The following ARHGAP20 variants were observed in gnomAD, a reference collection of about 807,000 sequenced individuals.
ARHGAP20 encodes Rho GTPase activating protein 20.
A neutral mutation model predicts 73.7 loss-of-function variants in ARHGAP20; 34 were observed. The ratio of observed to expected loss-of-function variants is 0.46; its 90% CI spans 0.35 to 0.61. ARHGAP20 has a LOEUF of 0.61. Ranked by LOEUF, ARHGAP20 falls within the 20% of genes least tolerant of loss-of-function variation. ARHGAP20 has a pLI of 0.00. For missense variants in ARHGAP20, 1,314 were observed against 1,420.9 expected (o/e 0.92, Z 1.21); for synonymous variants, 523 against 518.2 (o/e 1.01, Z -0.13).
chr11:110,584,978 T>TGA (rs376884749), intron 12 of ARHGAP20, among the ~76,000 whole-genome samples: 64 of 137,258 alleles, frequency 4.7e-4, no homozygotes, highest in Middle Eastern at 8.0e-3. Flanking sequence ...TATGAATATA[T>TGA]ATGTGAAAAT....
chr11:110,667,350 G>A (rs1027899906), intron 2 of ARHGAP20, among the ~76,000 whole-genome samples: 2 of 152,196 alleles, frequency 1.3e-5, no homozygotes, highest in Non-Finnish European at 2.9e-5. Context: ...AATCTACTCT[G>A]CTTGTGCTCT....
At chr11:110,630,893 C>A in intron 2 of ARHGAP20, 101 bp from the exon 3 acceptor site, 1 of 1,207,106 alleles carries the variant, frequency 8.3e-7, no homozygotes, top group Non-Finnish European at 1.2e-6. Context: ...GGTATAGCAT[C>A]CTAACTGGTC....
At chr11:110,598,102 A>C (rs185736290) in intron 9 of ARHGAP20, among the ~76,000 whole-genome samples, 5 of 152,224 alleles carry the variant, frequency 3.3e-5, no homozygotes, top group Admixed American at 1.3e-4. Flanking sequence ...TATAATAATA[A>C]CCATAACAAC....
At chr11:110,606,944 G>A (rs549548937) in intron 8 of ARHGAP20, among the ~76,000 whole-genome samples, 195 bp from the exon 9 acceptor site, 1 of 152,156 alleles carries the variant, frequency 6.6e-6, no homozygotes, top group South Asian at 2.1e-4. Context: ...TAGTTTTAAG[G>A]AGAGGAGGGA....
At chr11:110,683,242 A>T (rs1282172144) in intron 2 of ARHGAP20, among the ~76,000 whole-genome samples, 1 of 152,166 alleles carries the variant, frequency 6.6e-6, no homozygotes, top group African/African-American at 2.4e-5. Flanking sequence ...ATGAAGAAAT[A>T]CCATAACAAT....
chr11:110,607,395 T>C (rs1040661315), intron 8 of ARHGAP20, among the ~76,000 whole-genome samples: 1 of 152,150 alleles, frequency 6.6e-6, no homozygotes, highest in Non-Finnish European at 1.5e-5. Flanking sequence ...CAGAAACAGA[T>C]GCAAAAACGA....
intron 2 of ARHGAP20, among the ~76,000 whole-genome samples, chr11:110,679,976 C>T (rs1324160306): frequency 3.9e-5 from 6 of 152,162 alleles, no homozygotes; most frequent in African/African-American, 1.2e-4. Flanking sequence ...TAGACTCTTA[C>T]CCTCTTTCCA....
intron 9 of ARHGAP20, among the ~76,000 whole-genome samples, chr11:110,602,867 T>A (rs887111546): frequency 6.6e-6 from 1 of 152,216 alleles, no homozygotes; most frequent in African/African-American, 2.4e-5. Flanking sequence ...ATAGTCTGCA[T>A]AGAATAACTA....
At chr11:110,711,149 C>T (rs969572181) in intron 1 of ARHGAP20, among the ~76,000 whole-genome samples, 3 of 152,154 alleles carry the variant, frequency 2.0e-5, no homozygotes, top group African/African-American at 7.2e-5. Flanking sequence ...CCGCGGCCCA[C>T]GTGCACTTGC....
At chr11:110,687,312 G>T (rs1001425665) in intron 2 of ARHGAP20, among the ~76,000 whole-genome samples, 1 of 151,668 alleles carries the variant, frequency 6.6e-6, no homozygotes, top group Non-Finnish European at 1.5e-5. Flanking sequence ...CATACCAAAG[G>T]GTTTGGATTA....
In ARHGAP20 at chr11:110,619,372, GTAGAGTATATGCAGTGA is replaced by G. The variant is rs1326996121; in HGVS notation, c.504-3795_504-3779del. ...GAGTATATGTAGTGATAGCATATAT[GTAGAGTATATGCAGTGA>G]TAGAGTATATGCAGTGATAGAGTAT... On this transcript the variant is annotated intron_variant, in intron 4 of 14. Transcript: ENST00000683387. 4.0e-3 allele frequency among the ~76,000 whole-genome samples: 608 copies of G among 150,130 alleles called. 4 individuals are homozygous for G. The highest frequency in any genetic ancestry group is 0.011 in the African/African-American group (451 of 40,722).
chr11:110,624,285 T>C lies in ARHGAP20; in HGVS notation c.380A>G (p.Asn127Ser). The C allele has an allele frequency of 6.3e-7, 1 of 1,590,222 alleles. No homozygotes were observed. The highest frequency in any genetic ancestry group is 8.6e-7 in the Non-Finnish European group (1 of 1,168,760). Residue 127 changes from asparagine (N) to serine (S), a missense_variant, in exon 4 of 15, where the codon AAT (asparagine) becomes AGT (serine). Coordinates refer to ENST00000683387, the MANE Select transcript of ARHGAP20 (RefSeq NM_001384657.1). Reference sequence around the variant, plus strand: ...CCACATATCAGTTAATTTAATTTTATTTTTTATCTTAAAGTTATTGTTATA... The same window carrying C: ...CCACATATCAGTTAATTTAATTTTACTTTTTATCTTAAAGTTATTGTTATA... ...IKYNNNFKIK[N>S]KIKLTDMWTA...
chr11:110,635,951 A>G (rs948220877), intron 2 of ARHGAP20, among the ~76,000 whole-genome samples: 2 of 152,248 alleles, frequency 1.3e-5, no homozygotes, highest in Middle Eastern at 3.4e-3. Context: ...AATGGGGGAA[A>G]GAATGGCTAA....
chr11:110,685,745 G>C (rs1417432930), intron 2 of ARHGAP20, among the ~76,000 whole-genome samples: 3 of 151,896 alleles, frequency 2.0e-5, no homozygotes, highest in Non-Finnish European at 4.4e-5. Context: ...AACAACTATG[G>C]GACAATAGTA....
rs555337269 is a variant in ARHGAP20 at position 110,612,144 on chromosome 11, T to G, written c.631-758A>C. Among the ~76,000 whole-genome samples the G allele has an allele frequency of 1.9e-3, 282 of 151,862 alleles. 4 individuals carry two copies. Among genetic ancestry groups the G allele is most frequent in the African/African-American group, 6.4e-3 (267 of 41,428 alleles). ...CAATTTGCAGCAAACAGTAAAAGAGTTAACAAGCTCATGCCTGTAATCCTA... is the reference window on the plus strand; with the variant it reads ...CAATTTGCAGCAAACAGTAAAAGAGGTAACAAGCTCATGCCTGTAATCCTA... On this transcript the variant is annotated intron_variant, in intron 6 of 14. Transcript: ENST00000683387.
intron 2 of ARHGAP20, among the ~76,000 whole-genome samples, chr11:110,676,797 A>T (rs1949940563): frequency 6.6e-6 from 1 of 151,718 alleles, no homozygotes; most frequent in Non-Finnish European, 1.5e-5. Flanking sequence ...AATTATAGAG[A>T]CTTAAATCTC....
chr11:110,615,873 T>C (rs924090038), intron 4 of ARHGAP20, among the ~76,000 whole-genome samples: 1 of 152,214 alleles, frequency 6.6e-6, no homozygotes, highest in Non-Finnish European at 1.5e-5. Flanking sequence ...CAAGTGGTAT[T>C]ATATCAGTGT....
At position 110,580,947 on chromosome 11, in the gene ARHGAP20, T is replaced by C. The variant is rs781192753; in HGVS notation, c.1999A>G (p.Lys667Glu). 1.2e-6 allele frequency: 2 copies of C among 1,614,186 alleles called. No homozygotes were observed. The highest frequency in any genetic ancestry group is 2.2e-5 in the East Asian group (1 of 44,878). ...CTGGCATGATCCCGCAGTGGGATCT[T>C]TGTGTACACTAAAATGTTCACCGGC... ...SKPVNILVYT[K>E]IPLRDHARAP... The change falls in exon 15 of 15, where the codon AAG becomes GAG. Residue 667 changes from lysine (K) to glutamate (E), a missense_variant. Coordinates refer to ENST00000683387, the MANE Select transcript of ARHGAP20 (RefSeq NM_001384657.1).
intron 2 of ARHGAP20, among the ~76,000 whole-genome samples, chr11:110,652,685 T>C (rs1042698480): frequency 6.6e-6 from 1 of 152,048 alleles, no homozygotes; most frequent in African/African-American, 2.4e-5. Flanking sequence ...ACAAGGGAAA[T>C]GAAGTACCTC....
Sources: gnomAD v4.1 joint callset for allele counts (sites outside exome capture counted in the v4.1 genomes callset) on GRCh38, gnomAD v4.1.1 for gene constraint, MANE v1.5 for transcripts, NCBI Gene and HGNC (gene_info 2026-07-23, HGNC 2026-07-21) for gene names.